The following IL1RL1 variants were observed in gnomAD, a reference collection of about 807,000 sequenced individuals.
The protein encoded by IL1RL1 is interleukin 1 receptor like 1, also known as interleukin-1 receptor-like 1.
Under a neutral mutation model 50.9 loss-of-function variants are expected in IL1RL1, and 32 were observed. That is an observed-to-expected ratio of 0.63 (90% confidence interval 0.47 to 0.84). The LOEUF (loss-of-function observed/expected upper bound fraction) is 0.84. Ranked by LOEUF, IL1RL1 falls within the 40% of genes least tolerant of loss-of-function variation. The pLI, the probability that IL1RL1 is intolerant of heterozygous loss-of-function variation, is 0.00. For missense variants in IL1RL1, 773 were observed against 662.9 expected (o/e 1.17, Z -1.82); for synonymous variants, 275 against 236.0 (o/e 1.17, Z -1.51).
chr2:102,340,054 A>C, intron 3 of IL1RL1, 44 bp from the exon 4 acceptor site: 1 of 1,217,348 alleles, frequency 8.2e-7, no homozygotes, highest in Non-Finnish European at 1.1e-6. Context: ...AAGTTATTTC[A>C]CAATGCTAAG....
chr2:102,343,607 T>C, intron 8 of IL1RL1, 192 bp downstream of exon 8: 1 of 1,455,830 alleles, frequency 6.9e-7, no homozygotes, highest in Non-Finnish European at 9.0e-7. Context: ...GCTTCTCTGC[T>C]GCTTAAATTG....
intron 1 of IL1RL1, among the ~76,000 whole-genome samples, chr2:102,317,331 G>A (rs1676706938): frequency 2.0e-5 from 3 of 152,000 alleles, no homozygotes; most frequent in Non-Finnish European, 2.9e-5. Context: ...TCCAGCCTGG[G>A]TGACAGAGCC....
At chr2:102,317,643 T>C (rs1676716478) in intron 1 of IL1RL1, among the ~76,000 whole-genome samples, 1 of 152,130 alleles carries the variant, frequency 6.6e-6, no homozygotes, top group Non-Finnish European at 1.5e-5. Flanking sequence ...AATTTTCTCA[T>C]ATCTCTTATA....
chr2:102,328,655 A>C (rs894365983), intron 1 of IL1RL1, among the ~76,000 whole-genome samples: 22 of 152,200 alleles, frequency 1.4e-4, no homozygotes, highest in Non-Finnish European at 2.4e-4. Context: ...TCTCAGGATA[A>C]AAAATCAACG....
At chr2:102,343,971 A>G (rs2104993990) in intron 8 of IL1RL1, 1 of 871,858 alleles carries the variant, frequency 1.1e-6, no homozygotes, top group East Asian at 1.1e-4. Context: ...GCATTGATAT[A>G]AAGAAATACC....
At position 102,348,133 on chromosome 2, in the gene IL1RL1, C is replaced by T; in HGVS notation, c.1117+42C>T. On this transcript the variant is annotated intron_variant, in intron 9 of 10. Coordinates refer to ENST00000233954, the MANE Select transcript of IL1RL1 (RefSeq NM_016232.5). ...AAGTTTTTCTCCCAAAGAAAAAGTC[C>T]CATAATAACTGTTGGTTACCTGTCT... 3 of 1,521,420 alleles carry T rather than the reference C, an allele frequency of 2.0e-6. No individual in the cohort carries two copies. In the African/African-American group the frequency reaches 4.1e-5, roughly 21 times the overall value. The allele number at this position is 1,521,420 out of a possible 1,614,324, so 94.2% of individuals were successfully genotyped here. A position where few individuals can be genotyped will look rare whatever the true frequency, so the allele number is the denominator to read the frequency against.
chr2:102,343,225 T>C (rs1162820349), intron 7 of IL1RL1, 45 bp from the exon 8 acceptor site: 3 of 1,614,126 alleles, frequency 1.9e-6, no homozygotes. Context: ...GCACATGGTT[T>C]GCACCTGCAA....
Position 102,351,663 on chromosome 2 carries a change from C to T in IL1RL1, c.1413C>T (p.Ile471=), listed in dbSNP as rs1365887730. 16 of 1,613,972 alleles carry T rather than the reference C, an allele frequency of 9.9e-6. No individual in the cohort carries two copies. The Admixed American group carries it at 2.7e-4, about 27-fold the overall frequency. ...AGGTTGCCCTGCACTGTGCCCTCAT[C>T]CAGAACGACGCCAAGGTGATACTTA... is the stretch of plus-strand genomic sequence containing the variant. ...EQEVALHCAL[I]QNDAKVILIE... The change falls in exon 11 of 11, where the codon ATC becomes ATT. Residue 471 remains isoleucine (I), a synonymous_variant. Coordinates refer to ENST00000233954, the MANE Select transcript of IL1RL1 (RefSeq NM_016232.5).
At chr2:102,314,094 TG>T (rs1676601222) in intron 1 of IL1RL1, among the ~76,000 whole-genome samples, 1 of 152,152 alleles carries the variant, frequency 6.6e-6, no homozygotes, top group South Asian at 2.1e-4. Context: ...AAGGGTAGGA[TG>T]GCTTCAACTT....
intron 1 of IL1RL1, among the ~76,000 whole-genome samples, chr2:102,335,166 A>C (rs1041653280): frequency 6.6e-6 from 1 of 152,212 alleles, no homozygotes; most frequent in Non-Finnish European, 1.5e-5. Context: ...CATGTATTAG[A>C]AGCCCTTGCC....
intron 1 of IL1RL1, among the ~76,000 whole-genome samples, chr2:102,337,616 G>A (rs1677375299): frequency 6.6e-6 from 1 of 152,186 alleles, no homozygotes; most frequent in Admixed American, 6.5e-5. Context: ...TTGAGAATAG[G>A]ACAATTACTT....
chr2:102,339,336 C>T (rs903058583), intron 3 of IL1RL1: 2 of 301,454 alleles, frequency 6.6e-6, no homozygotes, highest in African/African-American at 4.3e-5. Context: ...CAATTGCTTA[C>T]TTTTGGCTGG....
At chr2:102,338,459 C>A in intron 2 of IL1RL1, 134 bp downstream of exon 2, 1 of 541,846 alleles carries the variant, frequency 1.8e-6, no homozygotes, top group Non-Finnish European at 3.2e-6. Context: ...TGCTTTTGTA[C>A]AATCATTTTT....
At chr2:102,333,463 T>C (rs1165231226) in intron 1 of IL1RL1, among the ~76,000 whole-genome samples, 1 of 152,102 alleles carries the variant, frequency 6.6e-6, no homozygotes, top group Non-Finnish European at 1.5e-5. Context: ...TAGAAGACAA[T>C]GGGAGATGCT....
chr2:102,344,926 A>C (rs181363166), intron 8 of IL1RL1: 12 of 968,228 alleles, frequency 1.2e-5, no homozygotes, highest in Non-Finnish European at 1.5e-5. Context: ...ATAATTTGAC[A>C]CAATAAAAGG....
chr2:102,343,341 T>C lies in IL1RL1; in HGVS notation c.896T>C (p.Leu299Pro). The C allele has an allele frequency of 6.2e-7, 1 of 1,614,230 alleles. No homozygotes were observed. The highest frequency in any genetic ancestry group is 8.5e-7 in the Non-Finnish European group (1 of 1,180,046). ...GACGTGAAGGAAGAGGATTTATTGC[T>C]GCAGTACGACTGTCTGGCCCTGAAT... The part of the protein sequence containing the change: ...IADVKEEDLL[L>P]QYDCLALNLH... Residue 299 changes from leucine to proline, a missense_variant, in exon 8 of 11, where the codon CTG becomes CCG. By Grantham distance (98) the Leu-to-Pro change is moderately conservative. Transcript: ENST00000233954.
At chr2:102,320,959 T>C (rs1331645415) in intron 1 of IL1RL1, among the ~76,000 whole-genome samples, 2 of 152,200 alleles carry the variant, frequency 1.3e-5, no homozygotes, top group African/African-American at 2.4e-5. Flanking sequence ...AAAGCCAAGG[T>C]GCTCAGGGTG....
In IL1RL1 at chr2:102,351,596, C is replaced by A. The variant is rs747940810; in HGVS notation, c.1346C>A (p.Thr449Asn). 9.9e-6 allele frequency: 16 copies of A among 1,613,960 alleles called. No homozygotes were observed. The highest frequency in any genetic ancestry group is 1.3e-5 in the Non-Finnish European group (15 of 1,179,944). Residue 449 changes from threonine to asparagine, a missense_variant, in exon 11 of 11, where the codon ACC becomes AAC. By Grantham distance (65) the Thr-to-Asn change is moderately conservative. Transcript: ENST00000233954. ...AGCAGGCGGCACATTTTCATCCTGA[C>A]CCCTCAGATCACTCACAATAAGGAG... ...RKSRRHIFIL[T>N]PQITHNKEFA...
chr2:102,323,279 T>TATATA (rs1559596441), intron 1 of IL1RL1, among the ~76,000 whole-genome samples: 21 of 38,020 alleles, frequency 5.5e-4, no homozygotes, highest in African/African-American at 1.4e-3. Flanking sequence ...ATATAGTGTG[T>TATATA]GTGTGTGTGT....
Sources: gnomAD v4.1 joint callset for allele counts (sites outside exome capture counted in the v4.1 genomes callset) on GRCh38, gnomAD v4.1.1 for gene constraint, MANE v1.5 for transcripts, NCBI Gene and HGNC (gene_info 2026-07-23, HGNC 2026-07-21) for gene names.